CSNK1G3: variants seen among roughly 807,000 people sequenced by gnomAD.
CSNK1G3 encodes casein kinase I isoform gamma-3.
A neutral mutation model predicts 64.3 loss-of-function variants in CSNK1G3; 23 were observed. That is an observed-to-expected ratio of 0.36 (90% CI 0.26 to 0.51). CSNK1G3 has a LOEUF of 0.51. Ranked by LOEUF, CSNK1G3 falls within the 20% of genes least tolerant of loss-of-function variation. The probability of loss-of-function intolerance (pLI) is 0.96; values close to 1 mark genes in which losing one functional copy is unlikely to be tolerated. For missense variants in CSNK1G3, 357 were observed against 510.5 expected, an observed-to-expected ratio of 0.70 and a Z score of 2.90; for synonymous variants, 158 against 162.2, an observed-to-expected ratio of 0.97 and a Z score of 0.20.
At chr5:123,566,442 T>C (rs896588949) in intron 4 of CSNK1G3, among the ~76,000 whole-genome samples, 11 of 152,192 alleles carry the variant, frequency 7.2e-5, no homozygotes, top group African/African-American at 2.7e-4. Context: ...CTGGAATGGG[T>C]GGAGTAAGAT....
At chr5:123,535,243 G>T (rs971930429) in intron 1 of CSNK1G3, among the ~76,000 whole-genome samples, 1 of 152,046 alleles carries the variant, frequency 6.6e-6, no homozygotes, top group South Asian at 2.1e-4. Flanking sequence ...ACAAATTAGC[G>T]TGGATTCCTA....
chr5:123,581,501 G>C (rs898594045), intron 6 of CSNK1G3, among the ~76,000 whole-genome samples: 1 of 150,562 alleles, frequency 6.6e-6, no homozygotes, highest in Non-Finnish European at 1.5e-5. Context: ...AAACTTACAA[G>C]AATTATGTCT....
At position 123,589,197 on chromosome 5, in the gene CSNK1G3, G is replaced by A. The variant is rs545507007; in HGVS notation, c.844+686G>A. 2.0e-3 allele frequency among the ~76,000 whole-genome samples: 305 copies of A among 152,148 alleles called. 3 individuals carry two copies. The highest frequency in any genetic ancestry group is 0.015 in the South Asian group (72 of 4,822). On this transcript the variant is annotated intron_variant, in intron 8 of 12. Coordinates refer to ENST00000345990, the Ensembl canonical transcript of CSNK1G3. ...AATTCCTATCTCACTTTAGTATTCC[G>A]TAGTTCTCCTGTATAATGCTGGCGT...
At chr5:123,581,389 C>A (rs1388059030) in intron 6 of CSNK1G3, among the ~76,000 whole-genome samples, 1 of 89,020 alleles carries the variant, frequency 1.1e-5, no homozygotes, top group African/African-American at 4.5e-5. Flanking sequence ...TTGGCCTTCA[C>A]CTGTGTTGTC....
chr5:123,517,700 T>G (rs1757047909), intron 1 of CSNK1G3, among the ~76,000 whole-genome samples: 1 of 152,180 alleles, frequency 6.6e-6, no homozygotes, highest in South Asian at 2.1e-4. Context: ...AGACCCACAC[T>G]GGAAGAAAAG....
At chr5:123,595,412 G>A (rs181364385) in intron 10 of CSNK1G3, among the ~76,000 whole-genome samples, 1 of 152,070 alleles carries the variant, frequency 6.6e-6, no homozygotes, top group Non-Finnish European at 1.5e-5. Context: ...ACGGTATTAT[G>A]CTTGAAATAG....
intron 1 of CSNK1G3, among the ~76,000 whole-genome samples, chr5:123,528,435 G>C (rs1257605780): frequency 1.3e-5 from 2 of 152,110 alleles, no homozygotes; most frequent in Non-Finnish European, 2.9e-5. Context: ...AATGTTGACT[G>C]CTATGTGTTA....
chr5:123,569,234 GT>G (rs1331820637), intron 4 of CSNK1G3, among the ~76,000 whole-genome samples: 1 of 152,122 alleles, frequency 6.6e-6, no homozygotes. Flanking sequence ...AAAGGATAGG[GT>G]AATTTTCCTC....
chr5:123,513,108 G>A (rs1217290690), intron 1 of CSNK1G3, among the ~76,000 whole-genome samples: 1 of 151,986 alleles, frequency 6.6e-6, no homozygotes, highest in African/African-American at 2.4e-5. Flanking sequence ...TTGGGTGGGG[G>A]GACACAGGGA....
At chr5:123,593,321 T>C (rs1792792949) in intron 10 of CSNK1G3, among the ~76,000 whole-genome samples, 3 of 152,012 alleles carry the variant, frequency 2.0e-5, no homozygotes, top group Admixed American at 6.6e-5. Flanking sequence ...AGAAAAGTTG[T>C]ATATTTAAAA....
intron 4 of CSNK1G3, among the ~76,000 whole-genome samples, chr5:123,567,253 A>G (rs909172877): frequency 3.3e-5 from 5 of 152,214 alleles, no homozygotes; most frequent in Non-Finnish European, 7.3e-5. Context: ...TTACGATTCA[A>G]GATGAGATTT....
chr5:123,580,127 A>G (rs1789965668), intron 6 of CSNK1G3, among the ~76,000 whole-genome samples: 1 of 151,880 alleles, frequency 6.6e-6, no homozygotes. Flanking sequence ...TGTGATTTTA[A>G]TTTGTGCGTA....
intron 6 of CSNK1G3, among the ~76,000 whole-genome samples, chr5:123,578,852 T>G (rs2150784377): frequency 6.6e-6 from 1 of 152,088 alleles, no homozygotes; most frequent in Non-Finnish European, 1.5e-5. Flanking sequence ...TGAATTACCT[T>G]AGTGTGTTTC....
intron 1 of CSNK1G3, among the ~76,000 whole-genome samples, chr5:123,533,582 T>C (rs1455415849): frequency 6.6e-6 from 1 of 151,686 alleles, no homozygotes; most frequent in Non-Finnish European, 1.5e-5. Flanking sequence ...ATTGTTTCCG[T>C]CTTTTTTTCT....
intron 10 of CSNK1G3, among the ~76,000 whole-genome samples, chr5:123,593,512 A>G (rs1424654265): frequency 2.0e-5 from 3 of 151,946 alleles, no homozygotes; most frequent in African/African-American, 7.3e-5. Context: ...GTTTATTTTC[A>G]GGAGAGGGCG....
rs916688119 is a variant in CSNK1G3, at chr5:123,552,707, G to A, written c.179-400G>A. Among the ~76,000 whole-genome samples, 3 of 152,082 alleles carry A rather than the reference G, an allele frequency of 2.0e-5. No homozygotes were observed. In the South Asian group the frequency reaches 6.2e-4, roughly 32 times the overall value. ...TAGTAAGATTACATCTCATAATAAT[G>A]ATGAATTTAAAATGAAATGATAGTT... is the stretch of plus-strand genomic sequence containing the variant. On this transcript the variant is annotated intron_variant, in intron 2 of 12. Transcript: ENST00000345990.
intron 1 of CSNK1G3, among the ~76,000 whole-genome samples, chr5:123,512,894 G>T (rs1444741098): frequency 1.3e-5 from 2 of 152,042 alleles, no homozygotes; most frequent in Non-Finnish European, 2.9e-5. Flanking sequence ...CGGCGAGGGA[G>T]GTGGGCCAAC....
exon 1 of CSNK1G3, chr5:123,512,370 G>T (rs907384212): frequency 6.6e-6 from 1 of 152,402 alleles, no homozygotes; most frequent in African/African-American, 2.4e-5. Context: ...CCGAATCCGA[G>T]CAGCGCTGCG....
intron 4 of CSNK1G3, among the ~76,000 whole-genome samples, chr5:123,559,196 G>T (rs1785195261): frequency 6.6e-6 from 1 of 151,986 alleles, no homozygotes; most frequent in South Asian, 2.1e-4. Context: ...AATGGGGGAG[G>T]TGATTGCCTA....
Sources: gnomAD v4.1 joint callset for allele counts (sites outside exome capture counted in the v4.1 genomes callset) on GRCh38, gnomAD v4.1.1 for gene constraint, MANE v1.5 for transcripts, NCBI Gene and HGNC (gene_info 2026-07-23, HGNC 2026-07-21) for gene names.